The following TMC2 variants were observed in gnomAD, a reference collection of about 807,000 sequenced individuals.
TMC2 encodes transmembrane channel-like protein 2.
Under a neutral mutation model 105.9 loss-of-function variants are expected in TMC2, and 102 were observed. The ratio of observed to expected loss-of-function variants is 0.96; its 90% confidence interval spans 0.82 to 1.14. TMC2 has a LOEUF of 1.14. Ranked by LOEUF, TMC2 falls within the 50% of genes most tolerant of loss-of-function variation. The pLI, the probability that TMC2 is intolerant of heterozygous loss-of-function variation, is 0.00. For synonymous variants in TMC2, 402 were observed against 422.8 expected, an observed-to-expected ratio of 0.95 and a Z score of 0.60; for missense variants, 1,093 against 1,134.3, an observed-to-expected ratio of 0.96 and a Z score of 0.52.
At chr20:2,611,886 G>GGATGGA (rs746229522) in intron 12 of TMC2, among the ~76,000 whole-genome samples, 14 of 87,500 alleles carry the variant, frequency 1.6e-4, no homozygotes, top group African/African-American at 4.4e-4. Flanking sequence ...GGGTGGGTGG[G>GGATGGA]TGGATGGATG....
In TMC2 at chr20:2,636,459, T is replaced by TACACACACACACACACAC. The variant is rs3051763; in HGVS notation, c.2385+472_2385+489dup. ...TGACACCCTACTTCTGACTGCTGTC[T>TACACACACACACACACAC]ACACACACACACACACACACACACA... On this transcript the variant is annotated intron_variant, in intron 18 of 19. Coordinates refer to ENST00000358864, the MANE Select transcript of TMC2 (RefSeq NM_080751.3). Among the ~76,000 whole-genome samples the TACACACACACACACACAC allele has an allele frequency of 9.8e-4, 140 of 143,522 alleles. 1 individual carries two copies. The highest frequency in any genetic ancestry group is 6.7e-3 in the South Asian group (29 of 4,340). The allele number at this position is 143,522 out of a possible 152,430, so 94.2% of individuals were successfully genotyped here.
chr20:2,613,073 G>T (rs1282596472), intron 13 of TMC2, 121 bp from the exon 14 acceptor site: 2 of 1,345,334 alleles, frequency 1.5e-6, no homozygotes, highest in South Asian at 1.5e-5. Flanking sequence ...GGATCAGAGG[G>T]TCACAGAGAC....
intron 10 of TMC2, among the ~76,000 whole-genome samples, chr20:2,599,767 A>G (rs1042287652): frequency 2.6e-5 from 4 of 152,008 alleles, no homozygotes; most frequent in African/African-American, 7.3e-5. Context: ...TTATGGCTCA[A>G]TATTTCTCCT....
chr20:2,539,584 C>T (rs958823645), intron 2 of TMC2, among the ~76,000 whole-genome samples: 1 of 152,134 alleles, frequency 6.6e-6, no homozygotes, highest in Non-Finnish European at 1.5e-5. Flanking sequence ...CCCCAGGGAA[C>T]CCTTCTCCAT....
At chr20:2,562,332 C>A (rs2086033226) in intron 4 of TMC2, among the ~76,000 whole-genome samples, 1 of 152,238 alleles carries the variant, frequency 6.6e-6, no homozygotes, top group Non-Finnish European at 1.5e-5. Context: ...AGAGACATGC[C>A]TTCTCCTGGA....
intron 17 of TMC2, among the ~76,000 whole-genome samples, chr20:2,626,684 G>T (rs971248151): frequency 3.9e-5 from 6 of 152,102 alleles, no homozygotes; most frequent in African/African-American, 1.4e-4. Flanking sequence ...TTTCAGTTTT[G>T]CCCTATTTCC....
chr20:2,630,480 T>C (rs942428941), intron 17 of TMC2, among the ~76,000 whole-genome samples: 3 of 152,220 alleles, frequency 2.0e-5, no homozygotes, highest in African/African-American at 7.2e-5. Context: ...TCTTAATGTG[T>C]TTCCCATCCT....
chr20:2,544,467 C>T (rs929568630), intron 2 of TMC2, among the ~76,000 whole-genome samples: 2 of 152,168 alleles, frequency 1.3e-5, no homozygotes, highest in African/African-American at 4.8e-5. Flanking sequence ...GGTTACTCAT[C>T]AAATTACCCA....
chr20:2,604,779 A>G (rs1050127843), intron 11 of TMC2, among the ~76,000 whole-genome samples: 2 of 152,190 alleles, frequency 1.3e-5, no homozygotes, highest in African/African-American at 4.8e-5. Flanking sequence ...TGACTACATA[A>G]TGACGCCTCC....
At chr20:2,632,116 G>A (rs2086608118) in intron 17 of TMC2, among the ~76,000 whole-genome samples, 1 of 151,618 alleles carries the variant, frequency 6.6e-6, no homozygotes, top group Admixed American at 6.6e-5. Context: ...CCACCTCCCA[G>A]GTTCCAGCGA....
At chr20:2,625,488 C>T (rs1364660800) in intron 17 of TMC2, among the ~76,000 whole-genome samples, 4 of 152,114 alleles carry the variant, frequency 2.6e-5, no homozygotes, top group East Asian at 1.9e-4. Flanking sequence ...GTACTGTTTC[C>T]GGAGTTTTAA....
rs2085997140 is a variant in TMC2 at position 2,558,329 on chromosome 20, G to C, written c.83-127G>C. On this transcript the variant is annotated intron_variant, in intron 2 of 19. Coordinates refer to ENST00000358864, the MANE Select transcript of TMC2 (RefSeq NM_080751.3). This position sits in a 1 kb window ranked among gnomAD's most constrained non-coding sequence, Gnocchi z 4.6. ...AAGGTGCCATACTTTGGGGTGTCCT[G>C]TTCTGAGCCCCGCAGAGCTCACAAG... 1 of 1,480,894 alleles carries C rather than the reference G, an allele frequency of 6.8e-7. No individual in the cohort carries two copies. Among genetic ancestry groups the C allele is most frequent in the Non-Finnish European group, 9.0e-7 (1 of 1,114,936 alleles). 91.7% of individuals were successfully genotyped at this position (1,480,894 alleles called of 1,614,324 possible).
intron 4 of TMC2, among the ~76,000 whole-genome samples, chr20:2,564,181 C>T (rs538478937): frequency 3.7e-5 from 4 of 109,272 alleles, no homozygotes; most frequent in African/African-American, 3.7e-5. Flanking sequence ...GATGGAGTAT[C>T]GCTCTGTCGC....
At chr20:2,630,880 G>C (rs1288999842) in intron 17 of TMC2, among the ~76,000 whole-genome samples, 1 of 152,176 alleles carries the variant, frequency 6.6e-6, no homozygotes, top group Non-Finnish European at 1.5e-5. Flanking sequence ...TATAGCTGAA[G>C]CATAGTGTTT....
intron 11 of TMC2, 74 bp from the exon 12 acceptor site, chr20:2,610,345 C>A: frequency 1.5e-6 from 2 of 1,373,518 alleles, no homozygotes; most frequent in Non-Finnish European, 2.0e-6. Context: ...AGATGGATGG[C>A]CATGGGAGTG....
intron 2 of TMC2, among the ~76,000 whole-genome samples, chr20:2,540,753 G>C (rs1331363479): frequency 6.6e-6 from 1 of 151,714 alleles, no homozygotes; most frequent in African/African-American, 2.4e-5. Context: ...AGCAATCACA[G>C]CCAGTATGCT....
In TMC2 at chr20:2,636,459, T is replaced by TACACACACACACACAC. The variant is rs3051763; in HGVS notation, c.2385+474_2385+489dup. Among the ~76,000 whole-genome samples, 249 of 143,512 alleles carry TACACACACACACACAC rather than the reference T, an allele frequency of 1.7e-3. 1 individual carries two copies. The highest frequency in any genetic ancestry group is 0.01 in the South Asian group (44 of 4,338). The allele number at this position is 143,512 out of a possible 152,430, so 94.1% of individuals were successfully genotyped here. A position where few individuals can be genotyped will look rare whatever the true frequency, so the allele number is the denominator to read the frequency against. On this transcript the variant is annotated intron_variant, in intron 18 of 19. Transcript: ENST00000358864. ...TGACACCCTACTTCTGACTGCTGTC[T>TACACACACACACACAC]ACACACACACACACACACACACACA...
chr20:2,601,688 A>C (rs988415576), intron 10 of TMC2, among the ~76,000 whole-genome samples: 1 of 152,100 alleles, frequency 6.6e-6, no homozygotes, highest in Non-Finnish European at 1.5e-5. Context: ...TAAAGATATA[A>C]AATTAGCCAG....
Position 2,613,246 on chromosome 20 carries a change from T to C in TMC2, c.1796T>C (p.Leu599Pro), listed in dbSNP as rs1298819329. 3.7e-6 allele frequency: 6 copies of C among 1,613,988 alleles called. No homozygotes were observed. The highest frequency in any genetic ancestry group is 4.2e-6 in the Non-Finnish European group (5 of 1,179,980). ...ATGCTGGTAACGTACATCACCATCC[T>C]GCTGGGGGACTTCCTACGGGCTTGT... ...SDMLVTYITI[L>P]LGDFLRACFV... Residue 599 changes from leucine (L) to proline (P), a missense_variant, in exon 14 of 20, where the codon CTG becomes CCG. By Grantham distance (98) the Leu-to-Pro change is moderately conservative. Coordinates refer to ENST00000358864, the MANE Select transcript of TMC2 (RefSeq NM_080751.3).
Sources: gnomAD v4.1 joint callset for allele counts (sites outside exome capture counted in the v4.1 genomes callset) on GRCh38, gnomAD v4.1.1 for gene constraint, Gnocchi (gnomAD v3.1) non-coding constraint, MANE v1.5 for transcripts, NCBI Gene and HGNC (gene_info 2026-07-23, HGNC 2026-07-21) for gene names.